The following CRPPA variants were observed in gnomAD, a reference collection of about 807,000 sequenced individuals.
CRPPA encodes CDP-L-ribitol pyrophosphorylase A, also known as D-ribitol-5-phosphate cytidylyltransferase.
In CRPPA, 43 loss-of-function variants were observed where a neutral mutation model predicts 52.0. That is an observed-to-expected ratio of 0.83 (90% CI 0.65 to 1.07). The LOEUF (loss-of-function observed/expected upper bound fraction) is 1.07. Among genes scored for constraint, CRPPA ranks in the 50% least tolerant of loss-of-function variants. The pLI is 0.00. For missense variants in CRPPA, 629 were observed against 551.7 expected (o/e 1.14, Z -1.40); for synonymous variants, 250 against 203.5 (o/e 1.23, Z -1.94).
intron 2 of CRPPA, among the ~76,000 whole-genome samples, chr7:16,405,242 C>A (rs565032191): frequency 2.0e-5 from 3 of 151,998 alleles, no homozygotes; most frequent in Non-Finnish European, 4.4e-5. Flanking sequence ...TTATTAATAC[C>A]CTTTAAGCAC....
chr7:16,233,396 A>G (rs528523304), intron 8 of CRPPA, among the ~76,000 whole-genome samples: 9 of 152,294 alleles, frequency 5.9e-5, no homozygotes, highest in African/African-American at 2.2e-4. Context: ...ACTGTGACCC[A>G]TAATGAGGAG....
chr7:16,243,795 A>T (rs1396721446), intron 8 of CRPPA, among the ~76,000 whole-genome samples: 1 of 152,090 alleles, frequency 6.6e-6, no homozygotes, highest in Non-Finnish European at 1.5e-5. Flanking sequence ...ACAAGACCTC[A>T]TCTCTACCAA....
At chr7:16,254,793 GA>G (rs1386292959) in intron 8 of CRPPA, among the ~76,000 whole-genome samples, 263 of 20,870 alleles carry the variant, frequency 0.013, 1 homozygote, top group East Asian at 0.024. Context: ...AAGAAAGAAG[GA>G]AAGAAAGAAA....
At chr7:16,159,520 C>G (rs148467005) in intron 9 of CRPPA, among the ~76,000 whole-genome samples, 6,581 of 152,204 alleles carry the variant, frequency 0.043, 197 homozygotes, top group Non-Finnish European at 0.069. Flanking sequence ...CATCTATGTC[C>G]CTGCAAAGGA....
chr7:16,178,262 C>T (rs1781344986), intron 9 of CRPPA, among the ~76,000 whole-genome samples: 1 of 152,068 alleles, frequency 6.6e-6, no homozygotes, highest in Non-Finnish European at 1.5e-5. Context: ...ATGACATACA[C>T]AAATGACCAT....
chr7:16,118,240 G>A (rs1344637810), intron 9 of CRPPA, among the ~76,000 whole-genome samples: 3 of 152,164 alleles, frequency 2.0e-5, no homozygotes, highest in Non-Finnish European at 2.9e-5. Flanking sequence ...TCTCTCTGAG[G>A]TACAGACTGT....
intron 3 of CRPPA, among the ~76,000 whole-genome samples, chr7:16,344,225 G>C (rs1414163828): frequency 1.3e-5 from 2 of 151,946 alleles, no homozygotes; most frequent in Non-Finnish European, 2.9e-5. Context: ...GGAGGGAAAA[G>C]CAGTCAAGAG....
chr7:16,210,033 A>G (rs1251955257), intron 9 of CRPPA, among the ~76,000 whole-genome samples: 1 of 152,214 alleles, frequency 6.6e-6, no homozygotes. Flanking sequence ...GATCCAAATC[A>G]AGCTCTTTAA....
At chr7:16,356,034 C>T (rs1039239615) in intron 3 of CRPPA, among the ~76,000 whole-genome samples, 7 of 146,044 alleles carry the variant, frequency 4.8e-5, no homozygotes, top group South Asian at 2.2e-4. Flanking sequence ...AGCTAAGTAA[C>T]GAAGCATAAG....
intron 9 of CRPPA, among the ~76,000 whole-genome samples, chr7:16,099,482 G>GAGGGA (rs1269896764): frequency 6.7e-6 from 1 of 149,302 alleles, no homozygotes; most frequent in African/African-American, 2.5e-5. Flanking sequence ...GAGAAGGGAA[G>GAGGGA]AGGGAAGGGA....
At chr7:16,226,799 T>C (rs2128401705) in intron 8 of CRPPA, among the ~76,000 whole-genome samples, 1 of 152,044 alleles carries the variant, frequency 6.6e-6, no homozygotes, top group Admixed American at 6.6e-5. Context: ...GCCTCATAGT[T>C]ATCAGTTTTG....
chr7:16,213,575 C>A (rs902145200), intron 9 of CRPPA, among the ~76,000 whole-genome samples: 3 of 151,822 alleles, frequency 2.0e-5, no homozygotes, highest in African/African-American at 7.3e-5. Flanking sequence ...ATGGTGAAAC[C>A]CTGTCTCTAC....
rs1403859342 is a variant in CRPPA, at chr7:16,286,087, T to A, written c.836-7861A>T. ...TATATATATATATATATATAATATT[T>A]AAAAAAAAAAATATATATATATATA... On this transcript the variant is annotated intron_variant, in intron 5 of 9. Transcript: ENST00000407010. Among the ~76,000 whole-genome samples, 67 of 15,472 alleles carry A rather than the reference T, an allele frequency of 4.3e-3. 5 individuals are homozygous for A. The highest frequency in any genetic ancestry group is 0.011 in the Admixed American group (11 of 982). The allele number at this position is 15,472 out of a possible 152,430, so 10.2% of individuals were successfully genotyped here.
At chr7:16,159,272 C>T (rs1448014481) in intron 9 of CRPPA, among the ~76,000 whole-genome samples, 1 of 152,122 alleles carries the variant, frequency 6.6e-6, no homozygotes, top group Non-Finnish European at 1.5e-5. Flanking sequence ...CACAAATTAG[C>T]CCTGGTGTGT....
At chr7:16,385,728 C>T (rs1034761573) in intron 2 of CRPPA, among the ~76,000 whole-genome samples, 2 of 152,156 alleles carry the variant, frequency 1.3e-5, no homozygotes, top group African/African-American at 4.8e-5. Flanking sequence ...ATGTATGTTT[C>T]TCTTTATATA....
chr7:16,392,456 A>G (rs1219208655), intron 2 of CRPPA, among the ~76,000 whole-genome samples: 1 of 152,184 alleles, frequency 6.6e-6, no homozygotes, highest in East Asian at 1.9e-4. Flanking sequence ...GACTTATATT[A>G]TCTGAAAGAC....
At chr7:16,217,952 T>C (rs1782377664) in intron 8 of CRPPA, among the ~76,000 whole-genome samples, 2 of 150,188 alleles carry the variant, frequency 1.3e-5, no homozygotes, top group Non-Finnish European at 3.0e-5. Context: ...GCCACAAAGA[T>C]ACTCCTCGAG....
At chr7:16,314,634 A>C (rs1347692306) in intron 3 of CRPPA, among the ~76,000 whole-genome samples, 5 of 152,084 alleles carry the variant, frequency 3.3e-5, no homozygotes, top group Non-Finnish European at 7.4e-5. Flanking sequence ...TTTGTCTGCT[A>C]AAGTCCATTC....
intron 1 of CRPPA, among the ~76,000 whole-genome samples, chr7:16,413,660 T>C (rs1176467307): frequency 4.6e-5 from 7 of 152,218 alleles, no homozygotes; most frequent in African/African-American, 1.2e-4. Flanking sequence ...GAATTTGCTG[T>C]GGTTTTCCAA....
Sources: gnomAD v4.1 joint callset for allele counts (sites outside exome capture counted in the v4.1 genomes callset) on GRCh38, gnomAD v4.1.1 for gene constraint, MANE v1.5 for transcripts, NCBI Gene and HGNC (gene_info 2026-07-23, HGNC 2026-07-21) for gene names.